Variants in IL9R observed in about 807,000 individuals in gnomAD.
IL9R encodes interleukin-9 receptor.
Under a neutral mutation model 56.3 loss-of-function variants are expected in IL9R, and 54 were observed. The observed-to-expected ratio is 0.96, with a 90% CI of 0.77 to 1.20. The LOEUF is 1.20. Ranked by LOEUF, IL9R falls within the 50% of genes most tolerant of loss-of-function variation. The pLI, the probability that IL9R is intolerant of heterozygous loss-of-function variation, is 0.00. For synonymous variants in IL9R, 212 were observed against 250.2 expected, an observed-to-expected ratio of 0.85 and a Z score of 1.44; for missense variants, 545 against 629.8, an observed-to-expected ratio of 0.87 and a Z score of 1.44.
chrX:155,999,535 G>A (rs920341602), intron 1 of IL9R, among the ~76,000 whole-genome samples: 5 of 152,070 alleles, frequency 3.3e-5, no homozygotes, highest in African/African-American at 1.2e-4. Context: ...ACCCCTGTCA[G>A]CACCTTACAT....
chrX:155,998,287 G>T (rs1445291979), intron 1 of IL9R, among the ~76,000 whole-genome samples: 1 of 152,018 alleles, frequency 6.6e-6, no homozygotes. Context: ...CACTGGAGCT[G>T]TGTGTGGGGC....
chrX:156,003,947 T>TGGCCCAGTGAGTGTTCTCAGTCCC, intron 4 of IL9R, 92 bp downstream of exon 4: 1 of 1,322,990 alleles, frequency 7.6e-7, no homozygotes, highest in South Asian at 1.3e-5. Context: ...AGCCTGTGAG[T>TGGCCCAGTGAGTGTTCTCAGTCCC]GGCCCAGTGA....
chrX:155,998,114 G>T (rs2067259974), intron 1 of IL9R, among the ~76,000 whole-genome samples: 1 of 152,080 alleles, frequency 6.6e-6, no homozygotes, highest in African/African-American at 2.4e-5. Context: ...ACTGACCTTT[G>T]TGGGGGTGCC....
chrX:155,998,423 T>G (rs2067284095), intron 1 of IL9R, among the ~76,000 whole-genome samples: 1 of 151,986 alleles, frequency 6.6e-6, no homozygotes. Flanking sequence ...CCTGTTCTTG[T>G]GATGAGCTGG....
In IL9R at chrX:156,005,450, C is replaced by T. The variant is rs765531293; in HGVS notation, c.752C>T (p.Pro251Leu). Residue 251 changes from proline to leucine, a missense_variant, in exon 6 of 9, where the codon CCT (proline) becomes CTT (leucine). Transcript: ENST00000244174. ...YTGQWSEWSQPVCFQAPQRQG... is the reference protein window; with the variant it reads ...YTGQWSEWSQLVCFQAPQRQG... The stretch of plus-strand genomic sequence containing the variant: ...GGCCAGTGGAGTGAGTGGAGCCAGC[C>T]TGTGTGCTTCCAGGCTCCCCAGAGA... The T allele has an allele frequency of 1.2e-6, 2 of 1,613,032 alleles. No individual in the cohort carries two copies. The highest frequency in any genetic ancestry group is 2.2e-5 in the East Asian group (1 of 44,868).
Position 155,997,710 on chromosome X carries a change from G to C in IL9R, c.-50G>C, listed in dbSNP as rs1266932318. 6.3e-7 allele frequency: 1 copy of C among 1,592,456 alleles called. No homozygotes were observed. Among genetic ancestry groups the C allele is most frequent in the African/African-American group, 1.3e-5 (1 of 74,496 alleles). Reference sequence around the variant, plus strand: ...TGAGGGTCTTTGCTGTGCACCCAGAGATAGTTGGGTGACAAATCACCTCCA... The same window carrying C: ...TGAGGGTCTTTGCTGTGCACCCAGACATAGTTGGGTGACAAATCACCTCCA... On this transcript the variant is annotated 5_prime_UTR_variant, in exon 1 of 9. Transcript: ENST00000244174.
intron 8 of IL9R, among the ~76,000 whole-genome samples, chrX:156,009,310 CTG>C (rs2068310134): frequency 3.4e-4 from 41 of 119,476 alleles, no homozygotes; most frequent in South Asian, 1.0e-3. Flanking sequence ...GTGTGTGTGT[CTG>C]TGTGTGTTTA....
In IL9R at chrX:156,003,514, G is replaced by C. The variant is rs764877822; in HGVS notation, c.208G>C (p.Ala70Pro). Residue 70 changes from alanine to proline, a missense_variant, in exon 3 of 9, where the codon GCC (alanine) becomes CCC (proline). Transcript: ENST00000244174. ...TCTCAGGATCGATTGCCACTGGTCT[G>C]CCCCAGAGCTGGGACAGGGCTCCAG... Reference protein sequence around the residue: ...NILRIDCHWSAPELGQGSSPW... With the variant: ...NILRIDCHWSPPELGQGSSPW... 5 of 1,612,748 alleles carry C rather than the reference G, an allele frequency of 3.1e-6. No homozygotes were observed. In the East Asian group the frequency reaches 8.9e-5, roughly 29 times the overall value.
intron 2 of IL9R, 131 bp from the exon 3 acceptor site, chrX:156,003,318 C>A: frequency 1.4e-6 from 1 of 736,348 alleles, no homozygotes; most frequent in Non-Finnish European, 2.4e-6. Flanking sequence ...CAGTGCTTCC[C>A]TGGACAGATT....
At position 156,004,411 on chromosome X, in the gene IL9R, C is replaced by G; in HGVS notation, c.434-9C>G. The stretch of plus-strand genomic sequence containing the variant: ...GGCTTCAGCCTCACATGGATTCACT[C>G]TGTTCCAGTTAAGCTGGACCCGCCC... On this transcript the variant is annotated splice_polypyrimidine_tract_variant and intron_variant, in intron 4 of 8. Coordinates refer to ENST00000244174, the MANE Select transcript of IL9R (RefSeq NM_002186.3). 6.2e-7 allele frequency: 1 copy of G among 1,613,852 alleles called. No individual in the cohort carries two copies. The highest frequency in any genetic ancestry group is 1.1e-5 in the South Asian group (1 of 91,056).
At chrX:155,998,492 G>C (rs1157714528) in intron 1 of IL9R, among the ~76,000 whole-genome samples, 1 of 152,084 alleles carries the variant, frequency 6.6e-6, no homozygotes, top group African/African-American at 2.4e-5. Flanking sequence ...TTCTCTTCCT[G>C]TGATTTATGC....
Position 156,009,173 on chromosome X carries a change from CTGTG to C in IL9R, c.973-637_973-634del, listed in dbSNP as rs1321701382. 4.7e-3 allele frequency among the ~76,000 whole-genome samples: 529 copies of C among 111,546 alleles called. 1 individual carries two copies. The highest frequency in any genetic ancestry group is 0.018 in the Middle Eastern group (2 of 112). 73.2% of individuals were successfully genotyped at this position (111,546 alleles called of 152,430 possible). ...TGTGTTTGTGTTTATGTGTGTATGTCTGTGTGTGTCTGTGTGTCTGTGTGTGTAT... is the reference window on the plus strand; with the variant it reads ...TGTGTTTGTGTTTATGTGTGTATGTCTGTGTCTGTGTGTCTGTGTGTGTAT... On this transcript the variant is annotated intron_variant, in intron 8 of 8. Coordinates refer to ENST00000244174, the MANE Select transcript of IL9R (RefSeq NM_002186.3).
chrX:156,002,804 C>T, intron 1 of IL9R, 102 bp from the exon 2 acceptor site: 1 of 1,523,488 alleles, frequency 6.6e-7, no homozygotes, highest in Non-Finnish European at 9.1e-7. Context: ...TGTGTGAGTG[C>T]AGGTGGGGAC....
At chrX:156,001,268 G>A in intron 1 of IL9R, 2 of 740,058 alleles carry the variant, frequency 2.7e-6, no homozygotes, top group Non-Finnish European at 2.5e-6. Context: ...TGGGGCAGCA[G>A]TTGTCCATTC....
At chrX:156,008,917 GTGTC>G (rs2068193204) in intron 8 of IL9R, among the ~76,000 whole-genome samples, 1 of 151,244 alleles carries the variant, frequency 6.6e-6, no homozygotes, top group Non-Finnish European at 1.5e-5. Context: ...GTTCGTGTGT[GTGTC>G]TGTGTGTGTG....
chrX:156,006,745 T>C (rs962396081), intron 7 of IL9R, among the ~76,000 whole-genome samples: 1 of 151,318 alleles, frequency 6.6e-6, no homozygotes. Context: ...AGAGGGGTGT[T>C]GGGTGGGGCT....
chrX:156,002,243 G>C (rs529821632), intron 1 of IL9R, among the ~76,000 whole-genome samples: 1 of 152,000 alleles, frequency 6.6e-6, no homozygotes, highest in South Asian at 2.1e-4. Flanking sequence ...CCAGCTACTC[G>C]GGAGGCTGAG....
chrX:156,003,697 C>A lies in IL9R; in HGVS notation c.275C>A (p.Thr92Lys), dbSNP rs1424231524. The A allele has an allele frequency of 1.9e-6, 3 of 1,613,448 alleles. No individual in the cohort carries two copies. Among genetic ancestry groups the A allele is most frequent in the Non-Finnish European group, 2.5e-6 (3 of 1,179,634 alleles). Residue 92 changes from threonine (T) to lysine (K), a missense_variant, in exon 4 of 9, where the codon ACA (threonine) becomes AAA (lysine). Coordinates refer to ENST00000244174, the MANE Select transcript of IL9R (RefSeq NM_002186.3). ...LFTSNQAPGG[T>K]HKCILRGSEC... ...TCCAGCAACCAGGCTCCTGGCGGCA[C>A]ACATAAGTGCATCTTGCGGGGCAGT...
intron 5 of IL9R, among the ~76,000 whole-genome samples, 160 bp downstream of exon 5, chrX:156,004,725 G>A (rs778264398): frequency 5.4e-4 from 82 of 152,286 alleles, no homozygotes; most frequent in African/African-American, 1.9e-3. Flanking sequence ...ATGCAGATGT[G>A]TATGCTTTAT....
Sources: gnomAD v4.1 joint callset for allele counts (sites outside exome capture counted in the v4.1 genomes callset) on GRCh38, gnomAD v4.1.1 for gene constraint, MANE v1.5 for transcripts, NCBI Gene and HGNC (gene_info 2026-07-23, HGNC 2026-07-21) for gene names.